LRRC4C: variants seen among roughly 807,000 people sequenced by gnomAD.
LRRC4C encodes the protein leucine-rich repeat-containing protein 4C.
A neutral mutation model predicts 33.6 loss-of-function variants in LRRC4C; 5 were observed. The ratio of observed to expected loss-of-function variants is 0.15; its 90% CI spans 0.08 to 0.31. The LOEUF (loss-of-function observed/expected upper bound fraction) is 0.31, where lower values mean the gene tolerates loss of function less well. Among genes scored for constraint, LRRC4C ranks in the 10% least tolerant of loss-of-function variants. The pLI is 1.00. For missense variants in LRRC4C, 560 were observed against 796.7 expected, an observed-to-expected ratio of 0.70 and a Z score of 3.58; for synonymous variants, 329 against 302.0, an observed-to-expected ratio of 1.09 and a Z score of -0.93.
At chr11:41,437,136 G>C (rs925639989) in intron 1 of LRRC4C, among the ~76,000 whole-genome samples, 12 of 152,114 alleles carry the variant, frequency 7.9e-5, no homozygotes, top group Non-Finnish European at 1.6e-4. Context: ...GGTATCATTA[G>C]AGATTAGATT....
intron 1 of LRRC4C, among the ~76,000 whole-genome samples, chr11:41,096,575 T>C (rs995143930): frequency 2.0e-5 from 3 of 152,172 alleles, no homozygotes; most frequent in Non-Finnish European, 4.4e-5. Context: ...TGCTTCTTTG[T>C]GTTTATAGTA....
At chr11:40,352,938 G>C (rs1947479662) in intron 3 of LRRC4C, among the ~76,000 whole-genome samples, 2 of 152,160 alleles carry the variant, frequency 1.3e-5, no homozygotes, top group South Asian at 4.1e-4. Context: ...TGAGAAGTCT[G>C]ATGCAGGATG....
chr11:40,665,308 TAAAA>T (rs55827045), intron 2 of LRRC4C, among the ~76,000 whole-genome samples: 2,457 of 42,884 alleles, frequency 0.057, 132 homozygotes, highest in African/African-American at 0.12. Context: ...ATTGCTTTCT[TAAAA>T]AAAAAAAAAA....
intron 1 of LRRC4C, among the ~76,000 whole-genome samples, chr11:41,389,273 T>C (rs895094682): frequency 1.4e-4 from 21 of 151,754 alleles, no homozygotes; most frequent in Admixed American, 1.3e-4. Context: ...ATGACCCTAA[T>C]TGACAAATAA....
intron 1 of LRRC4C, among the ~76,000 whole-genome samples, chr11:41,351,254 C>CACACACACAT (rs1555154522): frequency 4.3e-5 from 1 of 23,258 alleles, no homozygotes; most frequent in Non-Finnish European, 1.3e-4. Flanking sequence ...CACACACATA[C>CACACACACAT]ACACACACAC....
rs149859958 is a variant in LRRC4C, at chr11:41,230,484, T to G, written c.-496+228947A>C. 2.9e-3 allele frequency among the ~76,000 whole-genome samples: 446 copies of G among 152,202 alleles called. 1 individual carries two copies. Among genetic ancestry groups the G allele is most frequent in the African/African-American group, 0.01 (416 of 41,534 alleles). ...CCATTACGGATGCCTTAAGCATAGC[T>G]TAAGCAGCTATCCTTAAGCCCTACT... On this transcript the variant is annotated intron_variant, in intron 1 of 6. Coordinates refer to ENST00000528697, the MANE Select transcript of LRRC4C (RefSeq NM_001258419.2).
chr11:41,014,488 G>GTT (rs11293192), intron 1 of LRRC4C, among the ~76,000 whole-genome samples: 13 of 140,822 alleles, frequency 9.2e-5, no homozygotes, highest in Non-Finnish European at 1.1e-4. Context: ...TTCTATTGCA[G>GTT]TTTTTTTTTT....
intron 5 of LRRC4C, among the ~76,000 whole-genome samples, chr11:40,173,793 G>A (rs1235382229): frequency 1.3e-5 from 2 of 152,184 alleles, no homozygotes; most frequent in African/African-American, 4.8e-5. Context: ...CTATACAGGT[G>A]TCATGATTTG....
At chr11:40,828,342 A>G (rs1952256232) in intron 2 of LRRC4C, among the ~76,000 whole-genome samples, 1 of 151,736 alleles carries the variant, frequency 6.6e-6, no homozygotes, top group Non-Finnish European at 1.5e-5. Context: ...GAATTATGCA[A>G]CTAGGATGCA....
chr11:40,746,258 C>T lies in LRRC4C; in HGVS notation c.-406-97980G>A, dbSNP rs73475330. Reference sequence around the variant, plus strand: ...CTGTCAGGAGACTGTGCAACGGCACCGCTTCAGGAAAGGAGCTCACCCTGG... The same window carrying T: ...CTGTCAGGAGACTGTGCAACGGCACTGCTTCAGGAAAGGAGCTCACCCTGG... On this transcript the variant is annotated intron_variant, in intron 2 of 6. Transcript: ENST00000528697. Among the ~76,000 whole-genome samples, 131 of 152,174 alleles carry T rather than the reference C, an allele frequency of 8.6e-4. 1 individual carries two copies. The highest frequency in any genetic ancestry group is 3.0e-3 in the African/African-American group (126 of 41,516).
chr11:40,496,253 T>A (rs1049022613), intron 3 of LRRC4C, among the ~76,000 whole-genome samples: 1 of 137,810 alleles, frequency 7.3e-6, no homozygotes, highest in African/African-American at 2.5e-5. Context: ...TCTATGGACA[T>A]GGCATAATCT....
At chr11:40,758,288 A>G (rs1268410452) in intron 2 of LRRC4C, among the ~76,000 whole-genome samples, 1 of 152,026 alleles carries the variant, frequency 6.6e-6, no homozygotes, top group Non-Finnish European at 1.5e-5. Context: ...GACCTTATCA[A>G]TGACTCTGAG....
intron 2 of LRRC4C, among the ~76,000 whole-genome samples, chr11:40,809,802 A>T (rs1341826316): frequency 6.6e-6 from 1 of 152,170 alleles, no homozygotes; most frequent in East Asian, 1.9e-4. Context: ...GGTGGTTGTT[A>T]TTAAATTTCT....
At chr11:41,301,766 C>A (rs1200412885) in intron 1 of LRRC4C, among the ~76,000 whole-genome samples, 1 of 152,226 alleles carries the variant, frequency 6.6e-6, no homozygotes, top group Admixed American at 6.5e-5. Flanking sequence ...ACATATAAAT[C>A]ATTTAGGATA....
chr11:41,400,903 A>T (rs966060671), intron 1 of LRRC4C, among the ~76,000 whole-genome samples: 1 of 151,914 alleles, frequency 6.6e-6, no homozygotes, highest in Non-Finnish European at 1.5e-5. Context: ...CTGTTCCCAT[A>T]AAATGCTGCT....
intron 1 of LRRC4C, among the ~76,000 whole-genome samples, chr11:41,321,134 T>A (rs1950946680): frequency 6.6e-6 from 1 of 152,216 alleles, no homozygotes; most frequent in South Asian, 2.1e-4. Context: ...AATTTTTCCA[T>A]CTTAAGGTCA....
At position 40,372,575 on chromosome 11, in the gene LRRC4C, A is replaced by G. The variant is rs146625192; in HGVS notation, c.-269-52854T>C. Reference sequence around the variant, plus strand: ...TTGCCGCGTAACATAACTTGTTCACAGCTTCCAGAAATTAGGGCAGAGGCA... The same window carrying G: ...TTGCCGCGTAACATAACTTGTTCACGGCTTCCAGAAATTAGGGCAGAGGCA... On this transcript the variant is annotated intron_variant, in intron 3 of 6. Coordinates refer to ENST00000528697, the MANE Select transcript of LRRC4C (RefSeq NM_001258419.2). Among the ~76,000 whole-genome samples the G allele has an allele frequency of 1.2e-3, 183 of 152,310 alleles. 4 individuals are homozygous for G. The East Asian group carries it at 0.029, about 24-fold the overall frequency.
chr11:40,991,079 CAAAAAA>C (rs199778124), intron 1 of LRRC4C, among the ~76,000 whole-genome samples: 6 of 124,818 alleles, frequency 4.8e-5, no homozygotes, highest in Non-Finnish European at 9.9e-5. Flanking sequence ...GAGTCTATTA[CAAAAAA>C]AAAAAAAAGA....
intron 1 of LRRC4C, among the ~76,000 whole-genome samples, chr11:41,345,095 T>C (rs1951762782): frequency 6.6e-6 from 1 of 152,168 alleles, no homozygotes; most frequent in Non-Finnish European, 1.5e-5. Context: ...GGACAATAGT[T>C]ATGATGAAAA....
Sources: gnomAD v4.1 joint callset for allele counts (sites outside exome capture counted in the v4.1 genomes callset) on GRCh38, gnomAD v4.1.1 for gene constraint, MANE v1.5 for transcripts, NCBI Gene and HGNC (gene_info 2026-07-23, HGNC 2026-07-21) for gene names.